Variants in KLHL14 observed in about 807,000 individuals in gnomAD.
KLHL14 encodes kelch like family member 14.
KLHL14 carries 22 observed loss-of-function variants against 64.3 expected under a neutral mutation model. The observed-to-expected ratio is 0.34, with a 90% CI of 0.24 to 0.49. The LOEUF (loss-of-function observed/expected upper bound fraction) is 0.49. KLHL14 is among the 20% of genes least tolerant of loss of function. The probability of loss-of-function intolerance (pLI) is 0.99; values close to 1 mark genes in which losing one functional copy is unlikely to be tolerated. For synonymous variants in KLHL14, 322 were observed against 333.4 expected, an observed-to-expected ratio of 0.97 and a Z score of 0.37; for missense variants, 661 against 789.0, an observed-to-expected ratio of 0.84 and a Z score of 1.94.
At chr18:32,708,025 T>C (rs9304112) in intron 3 of KLHL14, among the ~76,000 whole-genome samples, 20,709 of 152,154 alleles carry the variant, frequency 0.14, 4,272 homozygotes, top group African/African-American at 0.45. Context: ...AGGTACAACC[T>C]ACAGGGAGAG....
In KLHL14 at chr18:32,734,862, A is replaced by G. The variant is rs549483342; in HGVS notation, c.1069+7066T>C. Reference sequence around the variant, plus strand: ...CTTGTGTGTATTTCAATTCAGGTCTATCTGTCTCTAAAGATGTTACTCTGT... The same window carrying G: ...CTTGTGTGTATTTCAATTCAGGTCTGTCTGTCTCTAAAGATGTTACTCTGT... On this transcript the variant is annotated intron_variant, in intron 3 of 8. Transcript: ENST00000359358. Among the ~76,000 whole-genome samples the G allele has an allele frequency of 2.7e-4, 41 of 151,688 alleles. 1 individual carries two copies. The South Asian group carries it at 7.7e-3, about 28-fold the overall frequency.
At chr18:32,720,392 CACTT>C (rs1018371603) in intron 3 of KLHL14, among the ~76,000 whole-genome samples, 3 of 152,118 alleles carry the variant, frequency 2.0e-5, no homozygotes, top group Non-Finnish European at 4.4e-5. Context: ...TCAGGGATGA[CACTT>C]AAGATTTCAG....
chr18:32,758,993 G>T (rs2050299082), intron 2 of KLHL14, among the ~76,000 whole-genome samples: 1 of 152,148 alleles, frequency 6.6e-6, no homozygotes, highest in South Asian at 2.1e-4. Flanking sequence ...TGGGTTTTTG[G>T]GGGAGGGAAT....
At chr18:32,693,413 C>CACACACAGAGAGAG (rs1229737083) in intron 4 of KLHL14, among the ~76,000 whole-genome samples, 15 of 97,034 alleles carry the variant, frequency 1.5e-4, no homozygotes, top group African/African-American at 6.8e-4. Context: ...CACACACACA[C>CACACACAGAGAGAG]AGAGAGAGAG....
chr18:32,715,310 G>T (rs9953014), intron 3 of KLHL14, among the ~76,000 whole-genome samples: 43,657 of 151,952 alleles, frequency 0.29, 6,469 homozygotes, highest in Middle Eastern at 0.35. Flanking sequence ...GTATATGTGT[G>T]TGGAAAAATG....
intron 7 of KLHL14, among the ~76,000 whole-genome samples, chr18:32,678,062 A>G (rs11081778): frequency 0.27 from 40,609 of 152,016 alleles, 5,510 homozygotes; most frequent in African/African-American, 0.31. Context: ...TTTAGAGTAG[A>G]AGGCTGAGTA....
At position 32,730,561 on chromosome 18, in the gene KLHL14, A is replaced by G. The variant is rs141838163; in HGVS notation, c.1069+11367T>C. On this transcript the variant is annotated intron_variant, in intron 3 of 8. Transcript: ENST00000359358. The stretch of plus-strand genomic sequence containing the variant: ...CTGGTTTATACCCATCATCCTTACC[A>G]TTACAACAAGACAAAAGCATTAAAG... 2.9e-3 allele frequency among the ~76,000 whole-genome samples: 437 copies of G among 152,322 alleles called. 2 individuals are homozygous for G. The highest frequency in any genetic ancestry group is 0.01 in the African/African-American group (419 of 41,564).
intron 3 of KLHL14, among the ~76,000 whole-genome samples, chr18:32,717,738 T>C (rs1181049499): frequency 1.3e-5 from 2 of 152,210 alleles, no homozygotes; most frequent in Admixed American, 1.3e-4. Flanking sequence ...CCCTTGAATC[T>C]CTCCCAGTCT....
chr18:32,684,039 T>C (rs2144470687), intron 5 of KLHL14, among the ~76,000 whole-genome samples: 1 of 152,308 alleles, frequency 6.6e-6, no homozygotes, highest in Non-Finnish European at 1.5e-5. Flanking sequence ...CTTTTTCTAT[T>C]TTTTTAGATT....
At chr18:32,718,867 T>A (rs751057130) in intron 3 of KLHL14, among the ~76,000 whole-genome samples, 5 of 152,230 alleles carry the variant, frequency 3.3e-5, no homozygotes, top group African/African-American at 1.2e-4. Flanking sequence ...CTAGCTTCCA[T>A]AAACATTTTG....
intron 2 of KLHL14, among the ~76,000 whole-genome samples, chr18:32,753,633 C>G (rs2050267771): frequency 1.3e-5 from 2 of 152,174 alleles, no homozygotes; most frequent in African/African-American, 2.4e-5. Context: ...CCCCCACCAC[C>G]CAAGGCTTAG....
chr18:32,767,582 TG>T, intron 2 of KLHL14, among the ~76,000 whole-genome samples: 1 of 152,232 alleles, frequency 6.6e-6, no homozygotes, highest in Admixed American at 6.5e-5. Flanking sequence ...CCAGTGAAGC[TG>T]GAGGGTGTCG....
At position 32,769,608 on chromosome 18, in the gene KLHL14, C is replaced by T. The variant is rs747270177; in HGVS notation, c.947+37G>A. 5 of 819,908 alleles carry T rather than the reference C, an allele frequency of 6.1e-6. No homozygotes were observed. In the East Asian group the frequency reaches 1.0e-4, roughly 17 times the overall value. The allele number at this position is 819,908 out of a possible 1,614,324, so 50.8% of individuals were successfully genotyped here. Reference sequence around the variant, plus strand: ...CTCCCTCCGGCCTCTCTGGCTCTACCCCCCCCTCCCCCGCCCTCCTCTTTG... The same window carrying T: ...CTCCCTCCGGCCTCTCTGGCTCTACTCCCCCCTCCCCCGCCCTCCTCTTTG... On this transcript the variant is annotated intron_variant, in intron 2 of 8. Transcript: ENST00000359358.
At chr18:32,761,373 C>T (rs184722841) in intron 2 of KLHL14, among the ~76,000 whole-genome samples, 1 of 148,274 alleles carries the variant, frequency 6.7e-6, no homozygotes, top group African/African-American at 2.5e-5. Context: ...CCCCTCTTGC[C>T]ACAAATGTAG....
intron 2 of KLHL14, among the ~76,000 whole-genome samples, chr18:32,763,787 T>G (rs138015549): frequency 3.7e-4 from 57 of 152,324 alleles, no homozygotes; most frequent in African/African-American, 1.2e-3. Context: ...CTCAATTATA[T>G]TTAAGACCAA....
Position 32,723,873 on chromosome 18 carries a change from C to T in KLHL14, c.1069+18055G>A, listed in dbSNP as rs79960371. Among the ~76,000 whole-genome samples, 816 of 152,234 alleles carry T rather than the reference C, an allele frequency of 5.4e-3. 6 individuals are homozygous for T. Among genetic ancestry groups the T allele is most frequent in the African/African-American group, 0.019 (769 of 41,534 alleles). On this transcript the variant is annotated intron_variant, in intron 3 of 8. Transcript: ENST00000359358. ...AGTGTCATCTGTTTCCTGTTGGAACCCTATGTTATATACCAAGCATGCTCA... is the reference window on the plus strand; with the variant it reads ...AGTGTCATCTGTTTCCTGTTGGAACTCTATGTTATATACCAAGCATGCTCA...
intron 3 of KLHL14, among the ~76,000 whole-genome samples, chr18:32,716,916 C>G (rs1384692285): frequency 6.6e-6 from 1 of 151,960 alleles, no homozygotes; most frequent in African/African-American, 2.4e-5. Context: ...CTATTATTTA[C>G]ATATTCTTAT....
chr18:32,754,627 CT>C (rs772827140), intron 2 of KLHL14, among the ~76,000 whole-genome samples: 5 of 152,160 alleles, frequency 3.3e-5, no homozygotes, highest in Non-Finnish European at 7.4e-5. Context: ...ATTCTTTACT[CT>C]AACTCCAGGG....
At chr18:32,722,396 G>A (rs942605957) in intron 3 of KLHL14, among the ~76,000 whole-genome samples, 1 of 152,128 alleles carries the variant, frequency 6.6e-6, no homozygotes, top group African/African-American at 2.4e-5. Flanking sequence ...AGCTTAACCA[G>A]AAGGAACCTG....
Sources: allele counts gnomAD v4.1 joint callset (sites outside exome capture counted in the v4.1 genomes callset), GRCh38; gene constraint gnomAD v4.1.1; transcripts MANE v1.5; gene names NCBI Gene and HGNC (gene_info 2026-07-23, HGNC 2026-07-21).